The following YARS1 variants were observed in gnomAD, a reference collection of about 807,000 sequenced individuals.
YARS1 encodes the protein tyrosyl-tRNA synthetase 1, also known as tyrosine--tRNA ligase, cytoplasmic.
A neutral mutation model predicts 62.2 loss-of-function variants in YARS1; 36 were observed. The observed-to-expected ratio is 0.58, with a 90% CI of 0.44 to 0.76. YARS1 has a LOEUF of 0.76. Among genes scored for constraint, YARS1 ranks in the 30% least tolerant of loss-of-function variants. The pLI is 0.00. For missense variants in YARS1, 524 were observed against 639.8 expected, an observed-to-expected ratio of 0.82 and a Z score of 1.95; for synonymous variants, 234 against 244.9, an observed-to-expected ratio of 0.96 and a Z score of 0.42.
intron 5 of YARS1, among the ~76,000 whole-genome samples, chr1:32,791,789 C>T (rs950088327): frequency 7.9e-5 from 12 of 151,972 alleles, no homozygotes; most frequent in African/African-American, 2.9e-4. Context: ...GCGACAAGAG[C>T]GAGACTCCAT....
At position 32,775,941 on chromosome 1, in the gene YARS1, T is replaced by C; in HGVS notation, c.*40A>G. 3.9e-6 allele frequency: 6 copies of C among 1,522,608 alleles called. No individual in the cohort carries two copies. Among genetic ancestry groups the C allele is most frequent in the Non-Finnish European group, 5.5e-6 (6 of 1,097,204 alleles). The allele number at this position is 1,522,608 out of a possible 1,614,324, so 94.3% of individuals were successfully genotyped here. A position where few individuals can be genotyped will look rare whatever the true frequency, so the allele number is the denominator to read the frequency against. On this transcript the variant is annotated 3_prime_UTR_variant, in exon 13 of 13. Coordinates refer to ENST00000373477, the MANE Select transcript of YARS1 (RefSeq NM_003680.4). ...TGGAGCAGACTGAAGAGACAGCAGA[T>C]GACTCAGTGGTGGAAGAAGGGGGGA... is the stretch of plus-strand genomic sequence containing the variant.
In YARS1 at chr1:32,817,328, G is replaced by C. The variant is rs1020038133; in HGVS notation, c.-84C>G. On this transcript the variant is annotated 5_prime_UTR_variant, in exon 1 of 13. Transcript: ENST00000373477. ...CCGTCGCCGCCGCGTGCCGGGAACT[G>C]TCACGCGAGTCCAGCCAGGTTGCAT... 1.5e-5 allele frequency: 23 copies of C among 1,556,188 alleles called. No homozygotes were observed. The highest frequency in any genetic ancestry group is 1.5e-5 in the Non-Finnish European group (17 of 1,134,506).
At chr1:32,778,883 C>A (rs1475346760) in intron 12 of YARS1, among the ~76,000 whole-genome samples, 1 of 151,746 alleles carries the variant, frequency 6.6e-6, no homozygotes. Flanking sequence ...GGATTACAGG[C>A]GCCCACGACC....
chr1:32,805,852 A>G (rs1326088383), intron 4 of YARS1, among the ~76,000 whole-genome samples: 4 of 152,062 alleles, frequency 2.6e-5, no homozygotes, highest in African/African-American at 9.7e-5. Context: ...AATCCCAGCT[A>G]CTCGGGAGGC....
chr1:32,811,096 C>T (rs765770984), intron 1 of YARS1, 39 bp from the exon 2 acceptor site: 7 of 1,612,868 alleles, frequency 4.3e-6, no homozygotes, highest in Middle Eastern at 3.6e-4. Context: ...ATGTCAGTGC[C>T]TCACCTTGCT....
rs1342239426 is a variant in YARS1, at chr1:32,779,373, G to C, written c.1476+9C>G. 2 of 1,614,202 alleles carry C rather than the reference G, an allele frequency of 1.2e-6. No homozygotes were observed. Among genetic ancestry groups the C allele is most frequent in the Non-Finnish European group, 8.5e-7 (1 of 1,180,034 alleles). On this transcript the variant is annotated intron_variant, in intron 12 of 12. Transcript: ENST00000373477. ...CCAGCCAAGAAAGGGAACAATTACA[G>C]CTTTTTACCTGCAACTTCTCGAAGA...
intron 6 of YARS1, among the ~76,000 whole-genome samples, 178 bp from the exon 7 acceptor site, chr1:32,787,253 C>T (rs551201980): frequency 1.5e-4 from 23 of 152,236 alleles, no homozygotes; most frequent in African/African-American, 5.3e-4. Context: ...TCTCAGCCTC[C>T]TGGAAAGCTG....
chr1:32,796,317 C>CA (rs796122170), intron 5 of YARS1, among the ~76,000 whole-genome samples: 225 of 151,728 alleles, frequency 1.5e-3, no homozygotes, highest in African/African-American at 5.3e-3. Flanking sequence ...CAAAAAACAA[C>CA]AAAAAACAAA....
intron 11 of YARS1, chr1:32,779,869 C>T (rs1434096969): frequency 1.5e-6 from 1 of 652,850 alleles, no homozygotes; most frequent in Non-Finnish European, 2.7e-6. Flanking sequence ...GGTTTGAGCC[C>T]TCCATTTCTA....
chr1:32,778,733 TTTC>T (rs1371487511), intron 12 of YARS1, among the ~76,000 whole-genome samples: 4 of 147,142 alleles, frequency 2.7e-5, no homozygotes, highest in Non-Finnish European at 6.0e-5. Flanking sequence ...TTTCTTTTCT[TTTC>T]TTTTTTTTTT....
At chr1:32,797,661 A>G in intron 5 of YARS1, 102 bp downstream of exon 5, 3 of 1,014,620 alleles carry the variant, frequency 3.0e-6, no homozygotes, top group South Asian at 2.5e-5. Context: ...GAGAATATTT[A>G]CCATACACTA....
At chr1:32,782,560 T>C (rs768430071) in intron 8 of YARS1, 21 bp from the exon 9 acceptor site, 2 of 1,614,058 alleles carry the variant, frequency 1.2e-6, no homozygotes, top group Non-Finnish European at 1.7e-6. Context: ...GAACAAGACC[T>C]AGTGAGATAA....
chr1:32,782,108 G>C (rs1653079568), intron 9 of YARS1: 4 of 438,170 alleles, frequency 9.1e-6, no homozygotes, highest in South Asian at 8.8e-5. Flanking sequence ...TCTGGCCCCG[G>C]TCACTATCTT....
At chr1:32,807,462 T>A (rs1638489468) in intron 3 of YARS1, among the ~76,000 whole-genome samples, 1 of 150,506 alleles carries the variant, frequency 6.6e-6, no homozygotes. Context: ...TTTTTCCTTT[T>A]ATTTTTTTTT....
chr1:32,810,910 C>T lies in YARS1; in HGVS notation c.204+1G>A, dbSNP rs1356914408. 1 of 1,614,008 alleles carries T rather than the reference C, an allele frequency of 6.2e-7. No homozygotes were observed. Among genetic ancestry groups the T allele is most frequent in the Non-Finnish European group, 8.5e-7 (1 of 1,180,042 alleles). On this transcript the variant is annotated splice_donor_variant, in intron 2 of 12. Transcript: ENST00000373477. LOFTEE classifies it high-confidence loss of function. ...CAAGGGCTTATAGCATTAGTTCTTA[C>T]CTCACACCCTGCCTTTAAGAAGTCT...
At chr1:32,805,228 AGGGGG>A (rs1638427557) in intron 4 of YARS1, among the ~76,000 whole-genome samples, 1 of 23,022 alleles carries the variant, frequency 4.3e-5, no homozygotes, top group Non-Finnish European at 6.9e-5. Context: ...GAAAGGGGAG[AGGGGG>A]AGAGGGGGAG....
intron 8 of YARS1, chr1:32,783,502 G>C (rs1437092782): frequency 6.6e-6 from 1 of 152,020 alleles, no homozygotes; most frequent in African/African-American, 2.4e-5. Context: ...GTAGAGACGG[G>C]GTTTCACCAT....
chr1:32,794,253 G>C (rs1220665451), intron 5 of YARS1, among the ~76,000 whole-genome samples: 1 of 152,014 alleles, frequency 6.6e-6, no homozygotes, highest in Non-Finnish European at 1.5e-5. Context: ...AGTAGGCTGG[G>C]GCACGAGAAT....
chr1:32,780,588 G>A (rs191344092), intron 10 of YARS1: 23 of 464,114 alleles, frequency 5.0e-5, no homozygotes, highest in African/African-American at 3.7e-4. Context: ...GGTGGTTGGG[G>A]TACACAGTGA....
Sources: gnomAD v4.1 joint callset for allele counts (sites outside exome capture counted in the v4.1 genomes callset) on GRCh38, gnomAD v4.1.1 for gene constraint, MANE v1.5 for transcripts, NCBI Gene and HGNC (gene_info 2026-07-23, HGNC 2026-07-21) for gene names.